Variants in BAZ2B observed in about 807,000 individuals in gnomAD.
BAZ2B encodes bromodomain adjacent to zinc finger domain 2B, also known as bromodomain adjacent to zinc finger domain protein 2B.
In BAZ2B, 91 loss-of-function variants were observed where a neutral mutation model predicts 246.0. The observed-to-expected ratio is 0.37, with a 90% confidence interval of 0.31 to 0.44. The LOEUF (loss-of-function observed/expected upper bound fraction) is 0.44, where lower values mean the gene tolerates loss of function less well. Among genes scored for constraint, BAZ2B ranks in the 20% least tolerant of loss-of-function variants. The probability of loss-of-function intolerance (pLI) is 1.00; values close to 1 mark genes in which losing one functional copy is unlikely to be tolerated. For missense variants in BAZ2B, 2,332 were observed against 2,533.7 expected, an observed-to-expected ratio of 0.92 and a Z score of 1.71; for synonymous variants, 855 against 860.0, an observed-to-expected ratio of 0.99 and a Z score of 0.10.
At chr2:159,547,782 CT>C (rs1425863466) in intron 2 of BAZ2B, among the ~76,000 whole-genome samples, 2 of 152,042 alleles carry the variant, frequency 1.3e-5, no homozygotes, top group South Asian at 4.1e-4. Flanking sequence ...GTAAAAGTTT[CT>C]TTTTTTAAGA....
chr2:159,433,112 C>A lies in BAZ2B; in HGVS notation c.1545G>T (p.Met515Ile), dbSNP rs1169205905. 1.2e-6 allele frequency: 2 copies of A among 1,614,168 alleles called. No homozygotes were observed. The highest frequency in any genetic ancestry group is 1.1e-5 in the South Asian group (1 of 91,090). Residue 515 changes from methionine to isoleucine, a missense_variant, in exon 9 of 37, where the codon ATG becomes ATT. Around this residue, in one of 9 missense-constraint regions of BAZ2B, gnomAD observed 651 missense variants for 650.9 expected, o/e 1.00. Transcript: ENST00000392783. ...CAATGTTTTCATTAATCTTGCTCTGCATTTTAGTTTTGGTAGTAAGTGCTA... is the reference window on the plus strand; with the variant it reads ...CAATGTTTTCATTAATCTTGCTCTGAATTTTAGTTTTGGTAGTAAGTGCTA... ...APLALTTKTK[M>I]QSKINENIAA... is the part of the protein sequence containing the mutation.
intron 11 of BAZ2B, 71 bp from the exon 12 acceptor site, chr2:159,428,490 T>A: frequency 8.4e-7 from 1 of 1,196,078 alleles, no homozygotes; most frequent in Non-Finnish European, 1.2e-6. Context: ...AAAAATAAGT[T>A]AAAGTATACA....
chr2:159,391,447 G>T (rs12471756), intron 20 of BAZ2B, among the ~76,000 whole-genome samples: 25 of 152,230 alleles, frequency 1.6e-4, no homozygotes, highest in Admixed American at 1.6e-3. Flanking sequence ...AGCTAATCCA[G>T]ATCTATTAAT....
rs998882954 is a variant in BAZ2B at position 159,487,307 on chromosome 2, C to T, written c.-2-8586G>A. ...CATACCAACTACTTGTGTCAAGGAT[C>T]TTCTTTTGTATGTTTTGTACATTGT... On this transcript the variant is annotated intron_variant, in intron 2 of 36. Coordinates refer to ENST00000392783, the MANE Select transcript of BAZ2B (RefSeq NM_013450.4). 4.6e-5 allele frequency among the ~76,000 whole-genome samples: 7 copies of T among 152,226 alleles called. 1 individual carries two copies. The highest frequency in any genetic ancestry group is 1.7e-4 in the African/African-American group (7 of 41,542).
At chr2:159,583,680 G>T (rs1018043642) in intron 1 of BAZ2B, among the ~76,000 whole-genome samples, 1 of 152,072 alleles carries the variant, frequency 6.6e-6, no homozygotes, top group Non-Finnish European at 1.5e-5. Context: ...CTTCTTCATG[G>T]GGAGAGACAG....
chr2:159,690,676 C>T, the BAZ2B span, among the ~76,000 whole-genome samples: 9 of 152,018 alleles, frequency 5.9e-5, no homozygotes, highest in Non-Finnish European at 1.3e-4. Context: ...TTTTTGTGTG[C>T]CAAAAAGTTC....
chr2:159,604,953 C>CGCGT (rs1693094170), intron 1 of BAZ2B, among the ~76,000 whole-genome samples: 3 of 57,828 alleles, frequency 5.2e-5, no homozygotes, highest in Admixed American at 1.9e-4. Context: ...TGTGTGTGTG[C>CGCGT]GCGTGTGTGC....
chr2:159,608,150 A>G (rs952550261), intron 1 of BAZ2B, among the ~76,000 whole-genome samples: 5 of 152,178 alleles, frequency 3.3e-5, no homozygotes, highest in Admixed American at 2.0e-4. Context: ...CAAGGTGCGC[A>G]GATTGTTTGA....
At chr2:159,610,647 CCAT>C (rs1694523918) in intron 1 of BAZ2B, among the ~76,000 whole-genome samples, 1 of 151,096 alleles carries the variant, frequency 6.6e-6, no homozygotes, top group African/African-American at 2.4e-5. Context: ...ATCTATGTTG[CCAT>C]CATTATTATT....
At chr2:159,561,608 A>G (rs2089882913) in intron 1 of BAZ2B, among the ~76,000 whole-genome samples, 1 of 152,238 alleles carries the variant, frequency 6.6e-6, no homozygotes, top group Admixed American at 6.5e-5. Context: ...ATTTAGTTTT[A>G]ATTACTCAAA....
the BAZ2B span, among the ~76,000 whole-genome samples, chr2:159,676,912 A>G: frequency 1.6e-5 from 2 of 125,508 alleles, no homozygotes; most frequent in South Asian, 2.7e-4. Flanking sequence ...TTTATGTTAC[A>G]TAAGTGTTAT....
At chr2:159,638,287 G>A in the BAZ2B span, among the ~76,000 whole-genome samples, 7 of 152,198 alleles carry the variant, frequency 4.6e-5, no homozygotes. Flanking sequence ...GCACAAACAA[G>A]CCCAGACGGT....
At position 159,382,610 on chromosome 2, in the gene BAZ2B, T is replaced by C. The variant is rs781584826; in HGVS notation, c.3954A>G (p.Glu1318=). ...TTCCTTTTTTGTCTTCTTTATCTTC[T>C]TCATCCTCATCATCTTCATCCCCTT... ...DDQGDEDDED[E]EDKEDKKGKK... is the part of the protein sequence containing the mutation. Residue 1318 remains glutamate, a synonymous_variant, in exon 25 of 37, where the codon GAA becomes GAG. Coordinates refer to ENST00000392783, the MANE Select transcript of BAZ2B (RefSeq NM_013450.4). 1.3e-6 allele frequency: 2 copies of C among 1,560,286 alleles called. No homozygotes were observed. The highest frequency in any genetic ancestry group is 1.4e-5 in the African/African-American group (1 of 73,416).
chr2:159,321,944 A>G (rs989030514), intron 36 of BAZ2B: 2 of 152,220 alleles, frequency 1.3e-5, no homozygotes, highest in Non-Finnish European at 2.9e-5. Flanking sequence ...GAGGTGATGA[A>G]TACCCAATTT....
At chr2:159,532,135 A>G (rs998970237) in intron 2 of BAZ2B, among the ~76,000 whole-genome samples, 2 of 152,188 alleles carry the variant, frequency 1.3e-5, no homozygotes, top group Non-Finnish European at 2.9e-5. Context: ...TGAAAACACT[A>G]AAACAATGAA....
In BAZ2B at chr2:159,448,530, T is replaced by G. The variant is rs549604476; in HGVS notation, c.335-121A>C. ...AGTTTCATCTTGGAACAAAACTGAA[T>G]TACTCATACTTCTGATCATTTTCCT... On this transcript the variant is annotated intron_variant, in intron 4 of 36. Coordinates refer to ENST00000392783, the MANE Select transcript of BAZ2B (RefSeq NM_013450.4). 1.9e-4 allele frequency: 211 copies of G among 1,120,800 alleles called. 2 individuals are homozygous for G. The South Asian group carries it at 3.7e-3, about 19-fold the overall frequency. 69.4% of individuals were successfully genotyped at this position (1,120,800 alleles called of 1,614,324 possible).
At chr2:159,495,045 G>T (rs916828013) in intron 2 of BAZ2B, among the ~76,000 whole-genome samples, 10 of 152,122 alleles carry the variant, frequency 6.6e-5, no homozygotes, top group African/African-American at 2.4e-4. Flanking sequence ...CTTTTCAGGG[G>T]CCATATGTGT....
chr2:159,448,313 G>C lies in BAZ2B; in HGVS notation c.431C>G (p.Ala144Gly), dbSNP rs202222324. The part of the protein sequence containing the change: ...LGIPPLFAPP[A>G]QNHDSSSFHS... ...GAATGAAGAAGAATCATGATTCTGG[G>C]CTGGGGGAGCAAATAGTGGTGGAAT... The change falls in exon 5 of 37, where the codon GCC becomes GGC. Residue 144 changes from alanine (A) to glycine (G), a missense_variant. Ala to Gly is a moderately conservative substitution (Grantham distance 60). Transcript: ENST00000392783. 9 of 1,613,264 alleles carry C rather than the reference G, an allele frequency of 5.6e-6. No individual in the cohort carries two copies. Among genetic ancestry groups the C allele is most frequent in the Non-Finnish European group, 7.6e-6 (9 of 1,179,846 alleles).
chr2:159,495,621 A>C (rs1245271383), intron 2 of BAZ2B, among the ~76,000 whole-genome samples: 2 of 151,772 alleles, frequency 1.3e-5, no homozygotes, highest in African/African-American at 2.4e-5. Flanking sequence ...GACATTATAT[A>C]ATTTTAATTA....
Sources: gnomAD v4.1 joint callset for allele counts (sites outside exome capture counted in the v4.1 genomes callset) on GRCh38, gnomAD v4.1.1 for gene constraint, gnomAD v4.1.1 regional missense constraint, MANE v1.5 for transcripts, NCBI Gene and HGNC (gene_info 2026-07-23, HGNC 2026-07-21) for gene names.